Variants in NDUFS1 observed in about 807,000 individuals in gnomAD.
NDUFS1 encodes the protein NADH-ubiquinone oxidoreductase 75 kDa subunit, mitochondrial.
In NDUFS1, 61 loss-of-function variants were observed where a neutral mutation model predicts 84.4. The observed-to-expected ratio is 0.72, with a 90% confidence interval of 0.59 to 0.89. The LOEUF (loss-of-function observed/expected upper bound fraction) is 0.89, where lower values mean the gene tolerates loss of function less well. NDUFS1 is among the 40% of genes least tolerant of loss of function. NDUFS1 has a pLI of 0.00. For synonymous variants in NDUFS1, 275 were observed against 290.0 expected (o/e 0.95, Z 0.53); for missense variants, 891 against 890.0 (o/e 1.00, Z -0.01).
chr2:206,130,194 C>T lies in NDUFS1; in HGVS notation c.1602G>A (p.Val534=), dbSNP rs1691453156. Residue 534 remains valine (V), a synonymous_variant, in exon 15 of 19, where the codon GTG becomes GTA. Coordinates refer to ENST00000233190, the MANE Select transcript of NDUFS1 (RefSeq NM_005006.7). ...AALDLGYKPG[V]EAIRKNPPKV... ...TGGGAGGGTTCTTCCGAATTGCTTC[C>T]ACCCCAGGCTTATAGCCAAGGTCCA... 1.2e-6 allele frequency: 2 copies of T among 1,614,170 alleles called. No individual in the cohort carries two copies. The highest frequency in any genetic ancestry group is 1.7e-6 in the Non-Finnish European group (2 of 1,180,036).
intron 3 of NDUFS1, among the ~76,000 whole-genome samples, chr2:206,150,518 C>T (rs1188993255): frequency 3.3e-5 from 5 of 152,222 alleles, no homozygotes; most frequent in Non-Finnish European, 7.3e-5. Context: ...GTTCCTCATC[C>T]TCAGCCTTCA....
chr2:206,125,654 T>TA (rs200788478), intron 18 of NDUFS1, among the ~76,000 whole-genome samples: 166 of 149,066 alleles, frequency 1.1e-3, no homozygotes, highest in Middle Eastern at 6.9e-3. Context: ...TTTTCTTTTT[T>TA]TAAAAAAAAA....
rs781767250 is a variant in NDUFS1, at chr2:206,153,611, TACTC to T, written c.61+3_61+6del. Reference sequence around the variant, plus strand: ...ATCCACGAATGCAAATTTAAGAAAATACTCACCACATCCTTTAGGAGACTTAGAA... The same window carrying T: ...ATCCACGAATGCAAATTTAAGAAAATACCACATCCTTTAGGAGACTTAGAA... On this transcript the variant is annotated splice_donor_5th_base_variant and intron_variant, in intron 2 of 18. Coordinates refer to ENST00000233190, the MANE Select transcript of NDUFS1 (RefSeq NM_005006.7). 1 of 1,510,970 alleles carries T rather than the reference TACTC, an allele frequency of 6.6e-7. No homozygotes were observed. The highest frequency in any genetic ancestry group is 1.1e-5 in the South Asian group (1 of 88,834). The allele number at this position is 1,510,970 out of a possible 1,614,324, so 93.6% of individuals were successfully genotyped here.
chr2:206,147,450 T>C, intron 7 of NDUFS1, 81 bp downstream of exon 7: 1 of 1,401,674 alleles, frequency 7.1e-7, no homozygotes, highest in South Asian at 1.3e-5. Context: ...AGCCATTCTT[T>C]CCAATGTTAT....
intron 3 of NDUFS1, 33 bp downstream of exon 3, chr2:206,152,386 C>A: frequency 6.5e-7 from 1 of 1,533,350 alleles, no homozygotes. Context: ...AAAATCAGAA[C>A]ACACACACAA....
In NDUFS1 at chr2:206,144,093, C is replaced by T. The variant is rs1692069923; in HGVS notation, c.912G>A (p.Glu304=). The change falls in exon 10 of 19, where the codon GAG becomes GAA. Residue 304 remains glutamate (E), a synonymous_variant. Coordinates refer to ENST00000233190, the MANE Select transcript of NDUFS1 (RefSeq NM_005006.7). The part of the protein sequence containing the change: ...YDGLKRQRLT[E]PMVRNEKGLL... ...GCCCTTTTTCATTTCTGACCATTGG[C>T]TCGGTAAGTCTTTGACGTTTTAGCC... 6.2e-7 allele frequency: 1 copy of T among 1,613,958 alleles called. No homozygotes were observed. The highest frequency in any genetic ancestry group is 1.3e-5 in the African/African-American group (1 of 74,916).
At chr2:206,140,343 C>T (rs1485613372) in intron 12 of NDUFS1, among the ~76,000 whole-genome samples, 1 of 151,956 alleles carries the variant, frequency 6.6e-6, no homozygotes, top group African/African-American at 2.4e-5. Flanking sequence ...AGCAAGACCC[C>T]TAACACAAAA....
At chr2:206,137,503 G>A (rs901171484) in intron 13 of NDUFS1, among the ~76,000 whole-genome samples, 30 of 151,964 alleles carry the variant, frequency 2.0e-4, no homozygotes, top group Non-Finnish European at 2.6e-4. Context: ...AGATAATCAG[G>A]ACAGGGTTTG....
intron 4 of NDUFS1, 119 bp from the exon 5 acceptor site, chr2:206,149,215 AAAG>A (rs1179476870): frequency 9.1e-6 from 7 of 765,780 alleles, no homozygotes; most frequent in East Asian, 5.5e-5. Context: ...GATAACAGGC[AAAG>A]AATAGGGTAT....
chr2:206,135,862 T>C (rs1390513430), intron 13 of NDUFS1, among the ~76,000 whole-genome samples: 1 of 152,088 alleles, frequency 6.6e-6, no homozygotes, highest in Non-Finnish European at 1.5e-5. Context: ...TGCTACTTCA[T>C]CCTCTTGCAC....
intron 3 of NDUFS1, among the ~76,000 whole-genome samples, chr2:206,150,686 A>C (rs1012191973): frequency 3.3e-5 from 5 of 152,232 alleles, no homozygotes; most frequent in African/African-American, 9.6e-5. Context: ...GATTATGTCC[A>C]AACCTTAATC....
rs1262917671 is a variant in NDUFS1 at position 206,143,986 on chromosome 2, C to T, written c.987+32G>A. ...AAAGATGTTTCTTGATAATCACAAA[C>T]ACTATTTAACACTATTTATTTCAAA... On this transcript the variant is annotated intron_variant, in intron 10 of 18. Coordinates refer to ENST00000233190, the MANE Select transcript of NDUFS1 (RefSeq NM_005006.7). 5.3e-6 allele frequency: 8 copies of T among 1,508,206 alleles called. 1 individual carries two copies. In the South Asian group the frequency reaches 9.0e-5, roughly 17 times the overall value. 93.4% of individuals were successfully genotyped at this position (1,508,206 alleles called of 1,614,324 possible).
rs781392058 is a variant in NDUFS1, at chr2:206,126,581, G to C, written c.2050C>G (p.Leu684Val). The change falls in exon 18 of 19, where the codon CTT becomes GTT. Residue 684 changes from leucine (L) to valine (V), a missense_variant. Leu to Val is a conservative substitution (Grantham distance 32). Coordinates refer to ENST00000233190, the MANE Select transcript of NDUFS1 (RefSeq NM_005006.7). ...TTTATAGTTAGCTGAGGTGGAACAA[G>C]TGGGTCAGCAAGAAGCTGCTGGTTC... ...LVNQQLLADP[L>V]VPPQLTIKDF... The C allele has an allele frequency of 1.2e-6, 2 of 1,614,166 alleles. No homozygotes were observed. Among genetic ancestry groups the C allele is most frequent in the Admixed American group, 3.3e-5 (2 of 60,018 alleles).
At chr2:206,148,862 C>G (rs1041723821) in intron 5 of NDUFS1, among the ~76,000 whole-genome samples, 158 bp downstream of exon 5, 5 of 152,168 alleles carry the variant, frequency 3.3e-5, no homozygotes, top group Non-Finnish European at 5.9e-5. Flanking sequence ...TTCACCTTCT[C>G]TACTATGTAG....
intron 12 of NDUFS1, among the ~76,000 whole-genome samples, chr2:206,140,939 T>TACACACACACACAC (rs1409794419): frequency 9.7e-4 from 57 of 58,530 alleles, no homozygotes; most frequent in African/African-American, 4.1e-3. Context: ...TATATATATA[T>TACACACACACACAC]ATATACACAC....
Position 206,115,949 on chromosome 2 carries a change from A to C in NDUFS1, c.*8236T>G, listed in dbSNP as rs1300314029. 3.0e-6 allele frequency: 2 copies of C among 670,374 alleles called. No homozygotes were observed. The highest frequency in any genetic ancestry group is 5.5e-6 in the Non-Finnish European group (2 of 366,286). 41.5% of individuals were successfully genotyped at this position (670,374 alleles called of 1,614,324 possible). On this transcript the variant is annotated 3_prime_UTR_variant, in exon 19 of 19. Coordinates refer to ENST00000233190, the MANE Select transcript of NDUFS1 (RefSeq NM_005006.7). ...ATTATGTTTATCTACAATCATTAGA[A>C]AGTTAAAAGGCATCTTCTTTCATTA...
intron 14 of NDUFS1, among the ~76,000 whole-genome samples, chr2:206,130,514 C>T (rs532187763): frequency 2.6e-5 from 4 of 152,132 alleles, no homozygotes; most frequent in African/African-American, 7.2e-5. Flanking sequence ...GCCACCACAC[C>T]CGGCTAATTT....
At position 206,144,895 on chromosome 2, in the gene NDUFS1, G is replaced by A; in HGVS notation, c.869C>T (p.Thr290Ile). The change falls in exon 9 of 19, where the codon ACC becomes ATC. Residue 290 changes from threonine to isoleucine, a missense_variant. Coordinates refer to ENST00000233190, the MANE Select transcript of NDUFS1 (RefSeq NM_005006.7). ...AGGAAAACAATATAGCATATACCTG[G>A]TTTTATCAGAGATCCACTCTTCATT... ...DINEEWISDK[T>I]RFAYDGLKRQ... 6.2e-7 allele frequency: 1 copy of A among 1,613,810 alleles called. No individual in the cohort carries two copies.
chr2:206,126,541 G>A lies in NDUFS1; in HGVS notation c.2090C>T (p.Thr697Ile), dbSNP rs760386524. The stretch of plus-strand genomic sequence containing the variant: ...GAGTCATGTTGACAATTACATACCT[G>A]TCATGTAGAAGTCTTTTATAGTTAG... Reference protein sequence around the residue: ...PQLTIKDFYMTDSISRASQTM... With the variant: ...PQLTIKDFYMIDSISRASQTM... The change falls in exon 18 of 19, where the codon ACA becomes ATA. Residue 697 changes from threonine (T) to isoleucine (I), a missense_variant and splice_region_variant. Transcript: ENST00000233190. 7 of 1,613,952 alleles carry A rather than the reference G, an allele frequency of 4.3e-6. No homozygotes were observed. The highest frequency in any genetic ancestry group is 4.2e-6 in the Non-Finnish European group (5 of 1,179,894).
Sources: gnomAD v4.1 joint callset for allele counts (sites outside exome capture counted in the v4.1 genomes callset) on GRCh38, gnomAD v4.1.1 for gene constraint, MANE v1.5 for transcripts, NCBI Gene and HGNC (gene_info 2026-07-23, HGNC 2026-07-21) for gene names.